Variants in RALGAPB observed in about 807,000 individuals in gnomAD.
The protein encoded by RALGAPB is Ral GTPase activating protein non-catalytic subunit beta, also known as ral GTPase-activating protein subunit beta.
A neutral mutation model predicts 161.1 loss-of-function variants in RALGAPB; 25 were observed. The observed-to-expected ratio is 0.16, with a 90% CI of 0.11 to 0.22. RALGAPB has a LOEUF of 0.22. Among genes scored for constraint, RALGAPB ranks in the 10% least tolerant of loss-of-function variants. The pLI is 1.00. For synonymous variants in RALGAPB, 629 were observed against 626.1 expected, an observed-to-expected ratio of 1.00 and a Z score of -0.07; for missense variants, 1,391 against 1,815.2, an observed-to-expected ratio of 0.77 and a Z score of 4.25.
At chr20:38,524,749 T>C (rs759722292) in intron 10 of RALGAPB, 29 bp from the exon 11 acceptor site, 2 of 1,527,036 alleles carry the variant, frequency 1.3e-6, no homozygotes, top group Non-Finnish European at 1.8e-6. Flanking sequence ...ATCAGCAGTT[T>C]GTTTAAAATT....
Position 38,531,162 on chromosome 20 carries a change from T to C in RALGAPB, c.2051-5T>C. The C allele has an allele frequency of 1.2e-6, 2 of 1,601,454 alleles. No individual in the cohort carries two copies. The highest frequency in any genetic ancestry group is 1.7e-5 in the Admixed American group (1 of 59,776). On this transcript the variant is annotated splice_polypyrimidine_tract_variant and splice_region_variant and intron_variant, in intron 13 of 29. Coordinates refer to ENST00000262879, the MANE Select transcript of RALGAPB (RefSeq NM_020336.4). Reference sequence around the variant, plus strand: ...ATATAAAATACTGTTTTATTGTTGTTGTAGGGGCAATGTTAAATATTGTTC... The same window carrying C: ...ATATAAAATACTGTTTTATTGTTGTCGTAGGGGCAATGTTAAATATTGTTC...
At chr20:38,562,425 G>A in intron 23 of RALGAPB, 107 bp from the exon 24 acceptor site, 1 of 932,570 alleles carries the variant, frequency 1.1e-6, no homozygotes, top group African/African-American at 1.7e-5. Flanking sequence ...TTCTGAGCTT[G>A]GACATGATTT....
chr20:38,561,923 T>G (rs757424732), intron 23 of RALGAPB, among the ~76,000 whole-genome samples: 1 of 152,246 alleles, frequency 6.6e-6, no homozygotes, highest in Non-Finnish European at 1.5e-5. Context: ...TGTTTTAGAA[T>G]GAAGGACTCT....
intron 10 of RALGAPB, among the ~76,000 whole-genome samples, chr20:38,522,405 G>C (rs1212078256): frequency 1.3e-5 from 2 of 152,102 alleles, no homozygotes; most frequent in African/African-American, 4.8e-5. Context: ...TTGATCAACC[G>C]ATCAACCAAC....
chr20:38,475,986 T>C (rs527366673), intron 1 of RALGAPB, among the ~76,000 whole-genome samples: 11 of 152,288 alleles, frequency 7.2e-5, no homozygotes, highest in South Asian at 2.1e-4. Context: ...ATTTGGTCAG[T>C]TTTTAGGCTT....
intron 5 of RALGAPB, among the ~76,000 whole-genome samples, chr20:38,500,880 C>G (rs1455176635): frequency 6.6e-6 from 1 of 152,174 alleles, no homozygotes; most frequent in Non-Finnish European, 1.5e-5. Flanking sequence ...ACAACATTTT[C>G]TTAAGCCAAA....
chr20:38,510,343 A>C (rs2085904439), intron 6 of RALGAPB, among the ~76,000 whole-genome samples: 1 of 152,098 alleles, frequency 6.6e-6, no homozygotes, highest in South Asian at 2.1e-4. Context: ...TACTGCATTA[A>C]ATTCATTTGT....
At chr20:38,557,442 A>G (rs552698882) in intron 22 of RALGAPB, among the ~76,000 whole-genome samples, 1 of 152,324 alleles carries the variant, frequency 6.6e-6, no homozygotes, top group African/African-American at 2.4e-5. Context: ...GTATAATGAC[A>G]TGTGTCTACC....
At chr20:38,493,181 A>T (rs766902042) in intron 3 of RALGAPB, 49 bp downstream of exon 3, 1 of 1,445,492 alleles carries the variant, frequency 6.9e-7, no homozygotes, top group South Asian at 1.2e-5. Flanking sequence ...ATAGTAAAAT[A>T]TTCATAAACG....
chr20:38,491,824 A>C (rs1429096021), intron 2 of RALGAPB, among the ~76,000 whole-genome samples: 2 of 152,154 alleles, frequency 1.3e-5, no homozygotes, highest in African/African-American at 4.8e-5. Context: ...CTAAATAGTA[A>C]CCCTATTAAT....
rs750548101 is a variant in RALGAPB at position 38,518,022 on chromosome 20, T to C, written c.1417+22T>C. On this transcript the variant is annotated intron_variant, in intron 9 of 29. Transcript: ENST00000262879. ...ACTGGTAAATATTACTCAAGAAATA[T>C]GTTATCATTATTTTCCTTTTCCTTT... is the stretch of plus-strand genomic sequence containing the variant. The C allele has an allele frequency of 5.1e-6, 8 of 1,570,134 alleles. No individual in the cohort carries two copies. In the African/African-American group the frequency reaches 8.1e-5, roughly 16 times the overall value.
chr20:38,549,315 G>C (rs1354602318), intron 20 of RALGAPB, among the ~76,000 whole-genome samples: 1 of 151,778 alleles, frequency 6.6e-6, no homozygotes, highest in Non-Finnish European at 1.5e-5. Flanking sequence ...GCAGCCTCAA[G>C]CTCCTGGGCT....
intron 1 of RALGAPB, among the ~76,000 whole-genome samples, chr20:38,473,539 G>A (rs1237801516): frequency 1.3e-5 from 2 of 152,204 alleles, no homozygotes; most frequent in African/African-American, 2.4e-5. Flanking sequence ...CATCATGCCA[G>A]GCCATTACGT....
At chr20:38,539,752 T>G (rs774288953) in intron 16 of RALGAPB, 24 bp from the exon 17 acceptor site, 1 of 1,604,680 alleles carries the variant, frequency 6.2e-7, no homozygotes, top group Non-Finnish European at 8.5e-7. Flanking sequence ...TGATTGTTTT[T>G]GTTCTCCAAA....
chr20:38,546,169 G>A (rs937651192), intron 18 of RALGAPB, 74 bp from the exon 19 acceptor site: 1 of 1,599,458 alleles, frequency 6.3e-7, no homozygotes, highest in South Asian at 1.1e-5. Context: ...GAGTGGAAGG[G>A]GACACATTGA....
At chr20:38,480,899 G>A (rs557024071) in intron 1 of RALGAPB, among the ~76,000 whole-genome samples, 6 of 151,650 alleles carry the variant, frequency 4.0e-5, no homozygotes, top group Non-Finnish European at 8.8e-5. Flanking sequence ...CACCACGCCC[G>A]GCTAATTTTT....
chr20:38,508,312 C>A (rs1370216064), intron 5 of RALGAPB, among the ~76,000 whole-genome samples: 1 of 151,798 alleles, frequency 6.6e-6, no homozygotes, highest in Non-Finnish European at 1.5e-5. Flanking sequence ...ACATACCTAA[C>A]CTATAAAAAG....
At chr20:38,523,850 C>G (rs2086372603) in intron 10 of RALGAPB, among the ~76,000 whole-genome samples, 1 of 152,056 alleles carries the variant, frequency 6.6e-6, no homozygotes, top group Non-Finnish European at 1.5e-5. Context: ...CAGGGAAGAG[C>G]AAGGAGAGAA....
intron 25 of RALGAPB, 74 bp downstream of exon 25, chr20:38,565,552 G>A: frequency 1.3e-6 from 2 of 1,528,132 alleles, no homozygotes; most frequent in African/African-American, 2.8e-5. Context: ...TTACTGCATT[G>A]GAAGAGATTT....
Sources: allele counts gnomAD v4.1 joint callset (sites outside exome capture counted in the v4.1 genomes callset), GRCh38; gene constraint gnomAD v4.1.1; transcripts MANE v1.5; gene names NCBI Gene and HGNC (gene_info 2026-07-23, HGNC 2026-07-21).